The following RFPL1 variants were observed in gnomAD, a reference collection of about 807,000 sequenced individuals.
The protein encoded by RFPL1 is ret finger protein-like 1.
In RFPL1, 6 loss-of-function variants were observed where a neutral mutation model predicts 9.6. The ratio of observed to expected loss-of-function variants is 0.62; its 90% CI spans 0.34 to 1.23. The LOEUF (loss-of-function observed/expected upper bound fraction) is 1.23, where lower values mean the gene tolerates loss of function less well. Ranked by LOEUF, RFPL1 falls within the 50% of genes most tolerant of loss-of-function variation. The pLI is 0.03. For missense variants in RFPL1, 352 were observed against 398.4 expected, an observed-to-expected ratio of 0.88 and a Z score of 0.99; for synonymous variants, 145 against 149.4, an observed-to-expected ratio of 0.97 and a Z score of 0.22.
At chr22:29,438,175 CT>C (rs1242196951), upstream of RFPL1, 1 of 135,878 alleles carries the variant, frequency 7.4e-6, no homozygotes, top group African/African-American at 3.0e-5. Flanking sequence ...CATCCAGTCC[CT>C]CTCTTTTTTT....
chr22:29,399,999 T>C, the RFPL1 span, among the ~76,000 whole-genome samples: 324 of 147,606 alleles, frequency 2.2e-3, 1 homozygote, highest in South Asian at 0.017. Flanking sequence ...CTTTTCTTTT[T>C]TTTTTTTTTT....
At chr22:29,418,743 C>T in the RFPL1 span, among the ~76,000 whole-genome samples, 1 of 152,200 alleles carries the variant, frequency 6.6e-6, no homozygotes, top group East Asian at 1.9e-4. Flanking sequence ...CGAGATCCGC[C>T]CACCTGGGCC....
chr22:29,427,418 A>T, the RFPL1 span, among the ~76,000 whole-genome samples: 3 of 152,158 alleles, frequency 2.0e-5, no homozygotes, highest in African/African-American at 4.8e-5. Flanking sequence ...CTCAAGTCAC[A>T]TTTACCCTGC....
At chr22:29,431,541 G>A in the RFPL1 span, among the ~76,000 whole-genome samples, 1 of 152,196 alleles carries the variant, frequency 6.6e-6, no homozygotes, top group African/African-American at 2.4e-5. Context: ...GGTGTTGGAG[G>A]GTCTCTGAGT....
At chr22:29,396,878 C>T in the RFPL1 span, among the ~76,000 whole-genome samples, 1 of 150,878 alleles carries the variant, frequency 6.6e-6, no homozygotes, top group African/African-American at 2.4e-5. Flanking sequence ...TGTGAGCCAC[C>T]ACACCCAGCC....
the RFPL1 span, among the ~76,000 whole-genome samples, chr22:29,400,782 A>G: frequency 9.2e-5 from 14 of 152,132 alleles, no homozygotes; most frequent in African/African-American, 3.1e-4. Flanking sequence ...ACTCACACAC[A>G]TCCTCAATCA....
At chr22:29,415,379 C>T in the RFPL1 span, among the ~76,000 whole-genome samples, 2 of 152,356 alleles carry the variant, frequency 1.3e-5, no homozygotes, top group African/African-American at 2.4e-5. Context: ...GGACTCCAAG[C>T]GCCAGTTCCT....
the RFPL1 span, among the ~76,000 whole-genome samples, chr22:29,427,130 C>T: frequency 6.6e-6 from 1 of 152,218 alleles, no homozygotes; most frequent in African/African-American, 2.4e-5. Context: ...TCTGTCCAGG[C>T]CTGGCCTGGC....
intron 1 of RFPL1, 78 bp downstream of exon 1, chr22:29,439,242 A>C: frequency 7.8e-6 from 12 of 1,533,754 alleles, no homozygotes; most frequent in Non-Finnish European, 1.1e-5. Flanking sequence ...CCCTCATTCC[A>C]TATGGGGATT....
At chr22:29,391,277 C>T in the RFPL1 span, among the ~76,000 whole-genome samples, 1 of 152,078 alleles carries the variant, frequency 6.6e-6, no homozygotes, top group Non-Finnish European at 1.5e-5. Flanking sequence ...GGCTGCTTTC[C>T]TCTGAGGCCT....
the RFPL1 span, among the ~76,000 whole-genome samples, chr22:29,426,020 T>C: frequency 6.6e-6 from 1 of 151,584 alleles, no homozygotes; most frequent in Non-Finnish European, 1.5e-5. Context: ...TTCAGACAAC[T>C]GTGTAAAAGA....
chr22:29,423,234 C>T, the RFPL1 span: 16 of 1,239,166 alleles, frequency 1.3e-5, no homozygotes, highest in Non-Finnish European at 1.9e-5. Context: ...ATGCTCCATC[C>T]CATCTTCAGT....
chr22:29,426,232 A>T, the RFPL1 span, among the ~76,000 whole-genome samples: 1 of 152,030 alleles, frequency 6.6e-6, no homozygotes, highest in Non-Finnish European at 1.5e-5. Flanking sequence ...CTGAGGCAGG[A>T]GAATCGCTTG....
At chr22:29,430,157 G>A in the RFPL1 span, among the ~76,000 whole-genome samples, 4 of 144,904 alleles carry the variant, frequency 2.8e-5, no homozygotes, top group Admixed American at 2.8e-4. Flanking sequence ...AAAATGTTTT[G>A]CCATTTAAAC....
chr22:29,439,131 C>T (rs745818040), exon 1 of RFPL1: 40 of 1,614,056 alleles, frequency 2.5e-5, no homozygotes, highest in Non-Finnish European at 3.4e-5. Context: ...GAAGAAGATT[C>T]TGCAGATGAA....
the RFPL1 span, among the ~76,000 whole-genome samples, chr22:29,415,464 G>A: frequency 9.2e-5 from 14 of 152,224 alleles, no homozygotes; most frequent in African/African-American, 2.4e-4. Context: ...ATTGCACCGG[G>A]GCAAATGCCT....
At chr22:29,415,031 T>C in the RFPL1 span, among the ~76,000 whole-genome samples, 7 of 151,944 alleles carry the variant, frequency 4.6e-5, no homozygotes, top group African/African-American at 1.7e-4. Context: ...GGCACGCCCG[T>C]TCGTCAAGCA....
chr22:29,409,609 C>T, the RFPL1 span, among the ~76,000 whole-genome samples: 1 of 152,138 alleles, frequency 6.6e-6, no homozygotes, highest in South Asian at 2.1e-4. Context: ...CCCATCTGTC[C>T]ATCTTGAAGA....
At chr22:29,417,343 C>A in the RFPL1 span, among the ~76,000 whole-genome samples, 1 of 151,924 alleles carries the variant, frequency 6.6e-6, no homozygotes, top group Non-Finnish European at 1.5e-5. Context: ...GTACCTGTTC[C>A]CTTTCTGCTC....
Sources: gnomAD v4.1 joint callset for allele counts (sites outside exome capture counted in the v4.1 genomes callset) on GRCh38, gnomAD v4.1.1 for gene constraint, MANE v1.5 for transcripts, NCBI Gene and HGNC (gene_info 2026-07-23, HGNC 2026-07-21) for gene names.